The following CHD9 variants were observed in gnomAD, a reference collection of about 807,000 sequenced individuals.
CHD9 encodes the protein ATP-dependent chromatin remodeler CHD9.
Under a neutral mutation model 316.1 loss-of-function variants are expected in CHD9, and 77 were observed. The observed-to-expected ratio is 0.24, with a 90% confidence interval of 0.20 to 0.29. The LOEUF is 0.29. Ranked by LOEUF, CHD9 falls within the 10% of genes least tolerant of loss-of-function variation. CHD9 has a pLI of 1.00. For missense variants in CHD9, 2,763 were observed against 3,438.1 expected (o/e 0.80, Z 4.91); for synonymous variants, 1,129 against 1,158.3 (o/e 0.97, Z 0.51).
At chr16:53,104,249 G>T (rs774525461) in intron 1 of CHD9, among the ~76,000 whole-genome samples, 6 of 152,124 alleles carry the variant, frequency 3.9e-5, no homozygotes, top group African/African-American at 1.4e-4. Flanking sequence ...TGTTGTTTCC[G>T]ATTATGGCAC....
intron 1 of CHD9, among the ~76,000 whole-genome samples, chr16:53,146,436 T>TATATATATATATATATATATAA (rs1385131635): frequency 3.1e-5 from 4 of 130,968 alleles, no homozygotes; most frequent in African/African-American, 1.3e-4. Context: ...TATATATATA[T>TATATATATATATATATATATAA]AATTAAAAAG....
Position 53,303,956 on chromosome 16 carries a change from T to C in CHD9, c.5950T>C (p.Tyr1984His). The change falls in exon 31 of 39, where the codon TAT becomes CAT. Residue 1984 changes from tyrosine (Y) to histidine (H), a missense_variant. Transcript: ENST00000447540. ...AAKHGVSRTD[Y>H]HILRDPELSF... Reference sequence around the variant, plus strand: ...CAAACACGGGGTGAGCCGAACAGACTATCACATTCTTCGTGATCCTGAACT... The same window carrying C: ...CAAACACGGGGTGAGCCGAACAGACCATCACATTCTTCGTGATCCTGAACT... The C allele has an allele frequency of 1.2e-6, 2 of 1,614,028 alleles. No homozygotes were observed. Among genetic ancestry groups the C allele is most frequent in the Non-Finnish European group, 1.7e-6 (2 of 1,179,890 alleles).
intron 1 of CHD9, among the ~76,000 whole-genome samples, chr16:53,066,258 ATGACTG>A (rs2033497359): frequency 3.3e-5 from 5 of 152,148 alleles, no homozygotes; most frequent in African/African-American, 1.2e-4. Context: ...TCACTCAGTT[ATGACTG>A]GGGCCTGGGG....
intron 24 of CHD9, among the ~76,000 whole-genome samples, chr16:53,281,056 G>C (rs187683845): frequency 5.9e-4 from 90 of 152,198 alleles, no homozygotes; most frequent in African/African-American, 2.0e-3. Flanking sequence ...TTGACCAAGA[G>C]CTCCGTCCTC....
chr16:53,106,010 G>A (rs1430994243), intron 1 of CHD9, among the ~76,000 whole-genome samples: 2 of 152,026 alleles, frequency 1.3e-5, no homozygotes, highest in Admixed American at 6.6e-5. Flanking sequence ...CTTTAGTAGA[G>A]ATGGGGTTTC....
At position 53,255,580 on chromosome 16, in the gene CHD9, G is replaced by A. The variant is rs1192978476; in HGVS notation, c.4030-20G>A. 2.5e-6 allele frequency: 4 copies of A among 1,595,834 alleles called. No homozygotes were observed. The South Asian group carries it at 4.5e-5, about 18-fold the overall frequency. ...GAACTTTAAAAAAAACTATTTTTAT[G>A]GAAGTTAATTTCTCCTTAGATTCAG... On this transcript the variant is annotated intron_variant, in intron 18 of 38. Coordinates refer to ENST00000447540, the MANE Select transcript of CHD9 (RefSeq NM_001308319.2).
In CHD9 at chr16:53,308,868, T is replaced by A; in HGVS notation, c.7222+14T>A. ...TACCAGTATCAGGTGAATATGCAAG[T>A]AATAATTGTCTTACTATGAAATATT... On this transcript the variant is annotated intron_variant, in intron 34 of 38. Transcript: ENST00000447540. The A allele has an allele frequency of 6.3e-7, 1 of 1,585,114 alleles. No homozygotes were observed. Among genetic ancestry groups the A allele is most frequent in the Non-Finnish European group, 8.6e-7 (1 of 1,157,916 alleles).
intron 31 of CHD9, among the ~76,000 whole-genome samples, chr16:53,305,537 T>C (rs767248235): frequency 7.2e-5 from 11 of 152,218 alleles, no homozygotes; most frequent in Non-Finnish European, 1.5e-4. Flanking sequence ...AATTGAATAT[T>C]TTTCCCAGGA....
chr16:53,089,932 C>T (rs1410273274), intron 1 of CHD9, among the ~76,000 whole-genome samples: 1 of 152,176 alleles, frequency 6.6e-6, no homozygotes, highest in Admixed American at 6.5e-5. Flanking sequence ...GAAAAAAATG[C>T]CAATCAAAAA....
At chr16:53,260,406 G>A (rs1285509192) in intron 19 of CHD9, among the ~76,000 whole-genome samples, 1 of 152,102 alleles carries the variant, frequency 6.6e-6, no homozygotes, top group Non-Finnish European at 1.5e-5. Flanking sequence ...TTGAGACCAA[G>A]AGCTAGAGGC....
intron 31 of CHD9, among the ~76,000 whole-genome samples, 165 bp downstream of exon 31, chr16:53,304,790 G>C (rs1347807229): frequency 2.0e-5 from 3 of 149,400 alleles, no homozygotes; most frequent in African/African-American, 7.4e-5. Context: ...CACCTCCTGG[G>C]TTCAAGCGAC....
At chr16:53,262,587 A>T (rs569653836) in intron 19 of CHD9, among the ~76,000 whole-genome samples, 2 of 152,276 alleles carry the variant, frequency 1.3e-5, no homozygotes, top group South Asian at 4.1e-4. Flanking sequence ...ATGTGATGAA[A>T]ATAAACTAGA....
At chr16:53,321,878 A>G (rs942241832) in intron 38 of CHD9, among the ~76,000 whole-genome samples, 3 of 152,190 alleles carry the variant, frequency 2.0e-5, no homozygotes, top group African/African-American at 7.2e-5. Flanking sequence ...CACAAAGAGT[A>G]ATCAAATATA....
intron 1 of CHD9, among the ~76,000 whole-genome samples, chr16:53,090,961 G>A (rs2035883066): frequency 7.0e-6 from 1 of 142,798 alleles, no homozygotes; most frequent in African/African-American, 2.6e-5. Flanking sequence ...CTAGGCATCT[G>A]CTGCCCTGTG....
intron 2 of CHD9, 95 bp from the exon 3 acceptor site, chr16:53,209,387 C>A: frequency 1.1e-6 from 1 of 875,280 alleles, no homozygotes; most frequent in Non-Finnish European, 1.7e-6. Context: ...TGTAATTTTA[C>A]CTCTCTAAAC....
chr16:53,186,484 A>C (rs927951055), intron 2 of CHD9, among the ~76,000 whole-genome samples: 2 of 152,230 alleles, frequency 1.3e-5, no homozygotes, highest in African/African-American at 4.8e-5. Flanking sequence ...GCCTTGTGTC[A>C]GATGAGACTT....
intron 1 of CHD9, among the ~76,000 whole-genome samples, chr16:53,065,192 AT>A (rs1167496342): frequency 2.0e-5 from 3 of 152,182 alleles, no homozygotes; most frequent in Admixed American, 6.5e-5. Context: ...AACCTAAGAT[AT>A]TTGTACCCTC....
chr16:53,300,352 C>CAA (rs370852779), intron 30 of CHD9, among the ~76,000 whole-genome samples: 4 of 131,366 alleles, frequency 3.0e-5, no homozygotes, highest in African/African-American at 2.8e-5. Context: ...GACTCCGTCT[C>CAA]AAAAAAAAAA....
At chr16:53,093,908 G>GGACT (rs936762732) in intron 1 of CHD9, among the ~76,000 whole-genome samples, 64 of 152,238 alleles carry the variant, frequency 4.2e-4, no homozygotes, top group African/African-American at 1.5e-3. Flanking sequence ...AGAGAACCAG[G>GGACT]GACTGGCTTT....
Sources: gnomAD v4.1 joint callset for allele counts (sites outside exome capture counted in the v4.1 genomes callset) on GRCh38, gnomAD v4.1.1 for gene constraint, MANE v1.5 for transcripts, NCBI Gene and HGNC (gene_info 2026-07-23, HGNC 2026-07-21) for gene names.